Variants in FMNL3 observed in about 807,000 individuals in gnomAD.
FMNL3 encodes the protein formin like 3.
FMNL3 carries 57 observed loss-of-function variants against 119.6 expected under a neutral mutation model. The ratio of observed to expected loss-of-function variants is 0.48; its 90% CI spans 0.39 to 0.59. The LOEUF is 0.59. FMNL3 is among the 20% of genes least tolerant of loss of function. FMNL3 has a pLI of 0.00. For synonymous variants in FMNL3, 491 were observed against 507.3 expected (o/e 0.97, Z 0.43); for missense variants, 1,053 against 1,323.5 (o/e 0.80, Z 3.17).
At chr12:49,699,198 C>T (rs552977465) in intron 1 of FMNL3, among the ~76,000 whole-genome samples, 40 of 152,176 alleles carry the variant, frequency 2.6e-4, no homozygotes, top group Non-Finnish European at 4.7e-4. Flanking sequence ...CCAGATGACA[C>T]GCTGACTTCA....
intron 25 of FMNL3, 118 bp downstream of exon 25, chr12:49,646,768 A>G (rs1204616351): frequency 6.2e-7 from 1 of 1,601,878 alleles, no homozygotes; most frequent in African/African-American, 1.3e-5. Flanking sequence ...GGCCCAGGAG[A>G]GAGACACAGT....
In FMNL3 at chr12:49,653,254, T is replaced by C; in HGVS notation, c.1295A>G (p.Gln432Arg). ...RVAELEKQLL[Q>R]REKELESIKE... Reference sequence around the variant, plus strand: ...GATGCTCTCTAGTTCCTTCTCCCGCTGTAGCAGCTGCTTCTCTAGTTCTGC... The same window carrying C: ...GATGCTCTCTAGTTCCTTCTCCCGCCGTAGCAGCTGCTTCTCTAGTTCTGC... Residue 432 changes from glutamine (Q) to arginine (R), a missense_variant, in exon 13 of 26, where the codon CAG becomes CGG. Physicochemically the swap from Gln to Arg is conservative, Grantham distance 43. Around this residue, in one of 4 missense-constraint regions of FMNL3, gnomAD observed 445 missense variants for 628.4 expected, o/e 0.71. Transcript: ENST00000335154. 1 of 1,614,196 alleles carries C rather than the reference T, an allele frequency of 6.2e-7. No homozygotes were observed. Among genetic ancestry groups the C allele is most frequent in the Non-Finnish European group, 8.5e-7 (1 of 1,180,038 alleles).
In FMNL3 at chr12:49,651,214, A is replaced by T; in HGVS notation, c.1751T>A (p.Ile584Asn). The T allele has an allele frequency of 6.2e-7, 1 of 1,613,856 alleles. No homozygotes were observed. The highest frequency in any genetic ancestry group is 8.5e-7 in the Non-Finnish European group (1 of 1,179,776). ...AAGTTCGCTGAAGACAGTGCCACTGATCTGGTTGGGTTTCAGTGCTGTCCA... is the reference window on the plus strand; with the variant it reads ...AAGTTCGCTGAAGACAGTGCCACTGTTCTGGTTGGGTTTCAGTGCTGTCCA... Reference protein sequence around the residue: ...FNWTALKPNQISGTVFSELDD... With the variant: ...FNWTALKPNQNSGTVFSELDD... Residue 584 changes from isoleucine (I) to asparagine (N), a missense_variant, in exon 16 of 26, where the codon ATC becomes AAC. This residue lies in a region of FMNL3 where 445 missense variants were observed against 628.4 expected (regional missense o/e 0.71). Transcript: ENST00000335154.
chr12:49,659,648 C>G, intron 5 of FMNL3: 2 of 476,400 alleles, frequency 4.2e-6, no homozygotes, highest in Non-Finnish European at 2.7e-6. Context: ...CTCCTGGGCT[C>G]AAGCAATCTC....
rs749888984 is a variant in FMNL3 at position 49,643,875 on chromosome 12, T to A, written c.*1940A>T. 82 of 1,613,792 alleles carry A rather than the reference T, an allele frequency of 5.1e-5. No homozygotes were observed. The highest frequency in any genetic ancestry group is 6.7e-5 in the African/African-American group (5 of 74,822). On this transcript the variant is annotated 3_prime_UTR_variant, in exon 26 of 26. Transcript: ENST00000335154. ...GACTCTTACAGAATAGTCCTGAGAG[T>A]GAGACAGACCCTGAGGAGAAAGCTG...
At position 49,649,465 on chromosome 12, in the gene FMNL3, C is replaced by A; in HGVS notation, c.2304+5G>T. On this transcript the variant is annotated splice_donor_5th_base_variant and intron_variant, in intron 19 of 25. Coordinates refer to ENST00000335154, the MANE Select transcript of FMNL3 (RefSeq NM_175736.5). The surrounding 1 kb of genome is among the most constrained non-coding windows in gnomAD (Gnocchi z 5.6). ...CCAGCACCCCTGTTCACAACCTCTT[C>A]CCACCTCCAACATCTGCTTCAGCTT... 1.2e-6 allele frequency: 2 copies of A among 1,614,092 alleles called. No homozygotes were observed. Among genetic ancestry groups the A allele is most frequent in the Non-Finnish European group, 1.7e-6 (2 of 1,180,024 alleles).
chr12:49,675,751 A>C (rs1944168632), intron 1 of FMNL3, among the ~76,000 whole-genome samples: 1 of 152,336 alleles, frequency 6.6e-6, no homozygotes. Context: ...CAAGCACATA[A>C]GATAAATCAT....
chr12:49,678,839 G>A (rs1260376066), intron 1 of FMNL3, among the ~76,000 whole-genome samples: 1 of 152,118 alleles, frequency 6.6e-6, no homozygotes, highest in Non-Finnish European at 1.5e-5. Flanking sequence ...GATATTCTAG[G>A]CAAGGAGACA....
At chr12:49,662,188 T>A in intron 4 of FMNL3, 139 bp from the exon 5 acceptor site, 2 of 774,608 alleles carry the variant, frequency 2.6e-6, no homozygotes. Context: ...TCAAAACCCA[T>A]GACAGACCCA....
intron 7 of FMNL3, 65 bp from the exon 8 acceptor site, chr12:49,656,964 C>T (rs1943590054): frequency 6.5e-7 from 1 of 1,544,436 alleles, no homozygotes; most frequent in Non-Finnish European, 8.9e-7. Flanking sequence ...AGCCAATCTC[C>T]TTGACCGTAG....
intron 25 of FMNL3, 178 bp downstream of exon 25, chr12:49,646,708 G>A (rs1331938041): frequency 1.3e-6 from 2 of 1,543,896 alleles, no homozygotes; most frequent in Non-Finnish European, 8.7e-7. Context: ...GAAGAAGCGT[G>A]AGCCCCGCTT....
rs192457282 is a variant in FMNL3 at position 49,680,611 on chromosome 12, G to A, written c.127-12057C>T. On this transcript the variant is annotated intron_variant, in intron 1 of 25. Coordinates refer to ENST00000335154, the MANE Select transcript of FMNL3 (RefSeq NM_175736.5). ...AGTTGTTCCAGCTTTTTTACATCTCGTTTGATTGTACAGCTAGGAAAAAAC... is the reference window on the plus strand; with the variant it reads ...AGTTGTTCCAGCTTTTTTACATCTCATTTGATTGTACAGCTAGGAAAAAAC... Among the ~76,000 whole-genome samples, 470 of 152,258 alleles carry A rather than the reference G, an allele frequency of 3.1e-3. 2 individuals carry two copies. Among genetic ancestry groups the A allele is most frequent in the African/African-American group, 9.7e-3 (402 of 41,544 alleles).
chr12:49,663,913 A>G (rs1229650968), intron 4 of FMNL3, among the ~76,000 whole-genome samples: 1 of 152,206 alleles, frequency 6.6e-6, no homozygotes, highest in Non-Finnish European at 1.5e-5. Flanking sequence ...TAGGAGTTCA[A>G]GACCAGCCTA....
At chr12:49,678,313 A>G (rs1944248602) in intron 1 of FMNL3, among the ~76,000 whole-genome samples, 1 of 150,816 alleles carries the variant, frequency 6.6e-6, no homozygotes, top group Non-Finnish European at 1.5e-5. Flanking sequence ...GCGCACCACC[A>G]TGCCCAGCTA....
In FMNL3 at chr12:49,643,271, C is replaced by T. The variant is rs771815824; in HGVS notation, c.*2544G>A. Reference sequence around the variant, plus strand: ...GCTGCCCCCACCATCTCTCCGGCCCCCCAAGCGGAGGAGGCGGAACCCCTC... The same window carrying T: ...GCTGCCCCCACCATCTCTCCGGCCCTCCAAGCGGAGGAGGCGGAACCCCTC... On this transcript the variant is annotated 3_prime_UTR_variant, in exon 26 of 26. Coordinates refer to ENST00000335154, the MANE Select transcript of FMNL3 (RefSeq NM_175736.5). 2 of 1,614,078 alleles carry T rather than the reference C, an allele frequency of 1.2e-6. No individual in the cohort carries two copies. Among genetic ancestry groups the T allele is most frequent in the Admixed American group, 1.7e-5 (1 of 59,988 alleles).
rs1942966795 is a variant in FMNL3 at position 49,643,657 on chromosome 12, T to C, written c.*2158A>G. On this transcript the variant is annotated 3_prime_UTR_variant, in exon 26 of 26. Coordinates refer to ENST00000335154, the MANE Select transcript of FMNL3 (RefSeq NM_175736.5). ...AAAGAAAAAGAGCCTGTCTTTCTCCTGTTGGGACTTAGTAGGGATTTTTCT... is the reference window on the plus strand; with the variant it reads ...AAAGAAAAAGAGCCTGTCTTTCTCCCGTTGGGACTTAGTAGGGATTTTTCT... The C allele has an allele frequency of 6.2e-7, 1 of 1,602,944 alleles. No individual in the cohort carries two copies. The highest frequency in any genetic ancestry group is 8.5e-7 in the Non-Finnish European group (1 of 1,173,840).
At position 49,636,652 on chromosome 12, in the gene FMNL3, G is replaced by A; in HGVS notation, c.*9163C>T. On this transcript the variant is annotated 3_prime_UTR_variant, in exon 26 of 26. Coordinates refer to ENST00000335154, the MANE Select transcript of FMNL3 (RefSeq NM_175736.5). ...GGACAGCATCGTTGAAACATTAGGG[G>A]TGCTGGGGTCTGAGAGGGTATCCTG... is the stretch of plus-strand genomic sequence containing the variant. 1.2e-6 allele frequency: 2 copies of A among 1,604,104 alleles called. No homozygotes were observed. The highest frequency in any genetic ancestry group is 8.5e-7 in the Non-Finnish European group (1 of 1,172,514).
chr12:49,653,653 G>A (rs756615409), intron 12 of FMNL3, 72 bp downstream of exon 12: 4 of 1,589,742 alleles, frequency 2.5e-6, no homozygotes, highest in Non-Finnish European at 3.4e-6. Flanking sequence ...AGGCAAATGG[G>A]TCAGCTCAGG....
chr12:49,648,947 A>C, intron 21 of FMNL3, 82 bp downstream of exon 21: 1 of 1,511,056 alleles, frequency 6.6e-7, no homozygotes, highest in South Asian at 1.3e-5. Context: ...AAATGGACCC[A>C]AGTGTTCTCT....
Sources: allele counts gnomAD v4.1 joint callset (sites outside exome capture counted in the v4.1 genomes callset), GRCh38; gene constraint gnomAD v4.1.1; regional missense constraint gnomAD v4.1.1; non-coding constraint Gnocchi (gnomAD v3.1); transcripts MANE v1.5; gene names NCBI Gene and HGNC (gene_info 2026-07-23, HGNC 2026-07-21).